Variants in KCNT2 observed in about 807,000 individuals in gnomAD.
KCNT2 encodes the protein potassium channel subfamily T member 2.
KCNT2 carries 67 observed loss-of-function variants against 153.8 expected under a neutral mutation model. That is an observed-to-expected ratio of 0.44 (90% CI 0.36 to 0.53). KCNT2 has a LOEUF of 0.53. Ranked by LOEUF, KCNT2 falls within the 20% of genes least tolerant of loss-of-function variation. KCNT2 has a pLI of 0.00. For missense variants in KCNT2, 975 were observed against 1,354.8 expected (o/e 0.72, Z 4.40); for synonymous variants, 500 against 458.8 (o/e 1.09, Z -1.15).
At chr1:196,517,541 G>A (rs1158450586) in intron 1 of KCNT2, among the ~76,000 whole-genome samples, 2 of 152,112 alleles carry the variant, frequency 1.3e-5, no homozygotes, top group East Asian at 1.9e-4. Flanking sequence ...TGACAAGGAG[G>A]TGACAGATGA....
At chr1:196,293,882 CAAAAA>C (rs1191875390) in intron 22 of KCNT2, among the ~76,000 whole-genome samples, 14 of 129,850 alleles carry the variant, frequency 1.1e-4, no homozygotes, top group African/African-American at 2.6e-4. Context: ...AACAAAAAAA[CAAAAA>C]ACAAAACAAT....
At chr1:196,347,186 A>C (rs949147426) in intron 14 of KCNT2, among the ~76,000 whole-genome samples, 2 of 152,122 alleles carry the variant, frequency 1.3e-5, no homozygotes, top group African/African-American at 4.8e-5. Context: ...TTAAATGCCA[A>C]GTTTTTGTAC....
At chr1:196,301,426 G>T (rs1558120200) in intron 22 of KCNT2, among the ~76,000 whole-genome samples, 1 of 152,070 alleles carries the variant, frequency 6.6e-6, no homozygotes, top group Non-Finnish European at 1.5e-5. Context: ...AGGGCAAAGG[G>T]AAAATTTTAT....
At chr1:196,480,691 T>C (rs1039894119) in intron 4 of KCNT2, among the ~76,000 whole-genome samples, 10 of 151,344 alleles carry the variant, frequency 6.6e-5, no homozygotes, top group Admixed American at 6.6e-5. Flanking sequence ...CCGTCTCTAC[T>C]AAAAATACAA....
chr1:196,382,400 C>A (rs564336605), intron 13 of KCNT2, among the ~76,000 whole-genome samples: 46 of 152,152 alleles, frequency 3.0e-4, no homozygotes, highest in African/African-American at 8.7e-4. Context: ...AGCCACCGCG[C>A]CCGGCCTGTT....
At chr1:196,283,051 C>A (rs919083399) in intron 23 of KCNT2, among the ~76,000 whole-genome samples, 1 of 152,172 alleles carries the variant, frequency 6.6e-6, no homozygotes, top group African/African-American at 2.4e-5. Flanking sequence ...CCCATGTTGG[C>A]CATGCTGGTC....
intron 1 of KCNT2, among the ~76,000 whole-genome samples, chr1:196,497,135 C>T (rs549604722): frequency 6.0e-4 from 91 of 152,272 alleles, no homozygotes; most frequent in Middle Eastern, 6.8e-3. Context: ...CAATTAATTA[C>T]ACTTGGCCCT....
intron 26 of KCNT2, among the ~76,000 whole-genome samples, chr1:196,243,467 T>A (rs1037674497): frequency 3.3e-5 from 5 of 152,158 alleles, no homozygotes; most frequent in Non-Finnish European, 7.4e-5. Context: ...CCATCTTGAA[T>A]TTCCAACACC....
chr1:196,368,994 A>G (rs1668274755), intron 14 of KCNT2, among the ~76,000 whole-genome samples: 1 of 151,886 alleles, frequency 6.6e-6, no homozygotes, highest in Admixed American at 6.6e-5. Flanking sequence ...TCTTTTCTAC[A>G]CTCATATCTA....
intron 1 of KCNT2, among the ~76,000 whole-genome samples, chr1:196,583,223 A>G (rs1206186138): frequency 6.6e-6 from 1 of 152,146 alleles, no homozygotes; most frequent in African/African-American, 2.4e-5. Context: ...TGAGCCATCT[A>G]TGAATTGAAT....
intron 13 of KCNT2, among the ~76,000 whole-genome samples, chr1:196,386,375 T>A (rs1437547574): frequency 6.6e-6 from 1 of 152,250 alleles, no homozygotes; most frequent in Middle Eastern, 3.4e-3. Flanking sequence ...TGCAGCAATA[T>A]GTAACTAATA....
At chr1:196,593,260 C>A (rs945644042) in intron 1 of KCNT2, among the ~76,000 whole-genome samples, 5 of 145,812 alleles carry the variant, frequency 3.4e-5, no homozygotes, top group African/African-American at 1.3e-4. Context: ...TAATTCATTC[C>A]TTTTTATGGC....
At chr1:196,234,344 AT>A (rs898988011) in intron 27 of KCNT2, among the ~76,000 whole-genome samples, 42 of 148,410 alleles carry the variant, frequency 2.8e-4, no homozygotes, top group African/African-American at 5.9e-4. Flanking sequence ...ATGAAACAAC[AT>A]TTTTTTTTTA....
chr1:196,481,166 A>C (rs1678992022), intron 4 of KCNT2, among the ~76,000 whole-genome samples: 1 of 152,160 alleles, frequency 6.6e-6, no homozygotes, highest in Non-Finnish European at 1.5e-5. Flanking sequence ...CATAGTAAAA[A>C]CTTGATTTCA....
chr1:196,405,580 A>C (rs1013961829), intron 12 of KCNT2, among the ~76,000 whole-genome samples: 7 of 151,564 alleles, frequency 4.6e-5, no homozygotes, highest in African/African-American at 1.4e-4. Context: ...GAAATTTTAT[A>C]AATGAATTAT....
intron 12 of KCNT2, among the ~76,000 whole-genome samples, chr1:196,414,831 T>C (rs1469931687): frequency 1.3e-5 from 2 of 151,896 alleles, no homozygotes; most frequent in African/African-American, 4.8e-5. Flanking sequence ...TTTAGACAAG[T>C]TGGAGTATTT....
At chr1:196,511,049 T>TC (rs1240788155) in intron 1 of KCNT2, among the ~76,000 whole-genome samples, 4 of 149,252 alleles carry the variant, frequency 2.7e-5, no homozygotes, top group African/African-American at 7.4e-5. Flanking sequence ...ATGAAACTCT[T>TC]CCCCCCACCC....
At chr1:196,391,058 A>G (rs1047826689) in intron 13 of KCNT2, among the ~76,000 whole-genome samples, 4 of 151,318 alleles carry the variant, frequency 2.6e-5, no homozygotes, top group Non-Finnish European at 5.9e-5. Context: ...ACTAGAGCAT[A>G]ACTGGAATAA....
intron 14 of KCNT2, among the ~76,000 whole-genome samples, chr1:196,351,498 C>T (rs1043989945): frequency 1.8e-5 from 1 of 57,002 alleles, no homozygotes; most frequent in African/African-American, 3.3e-5. Flanking sequence ...TGATTTGGCT[C>T]TCTGTTTGTC....
Sources: allele counts gnomAD v4.1 joint callset (sites outside exome capture counted in the v4.1 genomes callset), GRCh38; gene constraint gnomAD v4.1.1; transcripts MANE v1.5; gene names NCBI Gene and HGNC (gene_info 2026-07-23, HGNC 2026-07-21).